Variants in CPNE7 observed in about 807,000 individuals in gnomAD.
CPNE7 encodes copine 7.
CPNE7 carries 78 observed loss-of-function variants against 66.5 expected under a neutral mutation model. That is an observed-to-expected ratio of 1.17 (90% CI 0.98 to 1.42). The LOEUF is 1.42. Among genes scored for constraint, CPNE7 ranks in the 40% most tolerant of loss-of-function variants. CPNE7 has a pLI of 0.00. For synonymous variants in CPNE7, 468 were observed against 336.7 expected (o/e 1.39, Z -4.27); for missense variants, 1,012 against 776.6 (o/e 1.30, Z -3.60).
At position 89,584,671 on chromosome 16, in the gene CPNE7, C is replaced by T. The variant is rs532413867; in HGVS notation, c.508-103C>T. ...CCTCGTTTTGTGCCTGAGGAATTAG[C>T]GGCTGGTGGCATGAAGTGAGCCCTG... On this transcript the variant is annotated intron_variant, in intron 4 of 14. Transcript: ENST00000319518. The surrounding 1 kb of genome is among the most constrained non-coding windows in gnomAD (Gnocchi z 6.0). 449 of 806,074 alleles carry T rather than the reference C, an allele frequency of 5.6e-4. 3 individuals carry two copies. The African/African-American group carries it at 6.2e-3, about 11-fold the overall frequency. The allele number at this position is 806,074 out of a possible 1,614,324, so 49.9% of individuals were successfully genotyped here. A position where few individuals can be genotyped will look rare whatever the true frequency, so the allele number is the denominator to read the frequency against.
chr16:89,587,498 C>A, intron 9 of CPNE7: 1 of 450,140 alleles, frequency 2.2e-6, no homozygotes, highest in Non-Finnish European at 4.5e-6. Flanking sequence ...CAGCCCCAAG[C>A]CCGCCTTGGG....
chr16:89,583,868 G>C, intron 3 of CPNE7, 97 bp downstream of exon 3: 1 of 1,493,966 alleles, frequency 6.7e-7, no homozygotes, highest in African/African-American at 1.4e-5. Flanking sequence ...GCCGTCCAGG[G>C]AGGGTCTGCA....
intron 10 of CPNE7, among the ~76,000 whole-genome samples, chr16:89,589,388 T>C (rs2151451820): frequency 6.6e-6 from 1 of 152,318 alleles, no homozygotes; most frequent in Non-Finnish European, 1.5e-5. Context: ...TGTGTCCCGC[T>C]TTGCCAGAAT....
chr16:89,592,409 C>T (rs1243134064), intron 13 of CPNE7, among the ~76,000 whole-genome samples: 4 of 151,468 alleles, frequency 2.6e-5, no homozygotes, highest in Admixed American at 6.6e-5. Flanking sequence ...TCCTGCTTCA[C>T]GTCTGTGTAG....
In CPNE7 at chr16:89,588,206, G is replaced by GCGTGTCACCCACAGATACATGGCCCCC. The variant is rs1597711657; in HGVS notation, c.928-450_928-449insTGGCCCCCCGTGTCACCCACAGATACA. ...CAGATACACGGCCCCCGTGTCACCCGCGTGTCACCCACAGATACACGGCCC... is the reference window on the plus strand; with the variant it reads ...CAGATACACGGCCCCCGTGTCACCCGCGTGTCACCCACAGATACATGGCCCCCCGTGTCACCCACAGATACACGGCCC... On this transcript the variant is annotated intron_variant, in intron 9 of 14. Coordinates refer to ENST00000319518, the MANE Select transcript of CPNE7 (RefSeq NM_153636.3). Among the ~76,000 whole-genome samples, 5 of 21,146 alleles carry GCGTGTCACCCACAGATACATGGCCCCC rather than the reference G, an allele frequency of 2.4e-4. 1 individual carries two copies. The highest frequency in any genetic ancestry group is 3.3e-4 in the African/African-American group (2 of 6,056). The allele number at this position is 21,146 out of a possible 152,430, so 13.9% of individuals were successfully genotyped here.
At chr16:89,585,035 C>T (rs1234573500) in intron 5 of CPNE7, among the ~76,000 whole-genome samples, 178 bp downstream of exon 5, 1 of 152,098 alleles carries the variant, frequency 6.6e-6, no homozygotes, top group Non-Finnish European at 1.5e-5. Context: ...GCCCTGGGGG[C>T]CGTGGCTGTG....
rs763841945 is a variant in CPNE7, at chr16:89,588,692, C to T, written c.945C>T (p.Thr315=). 7.5e-5 allele frequency: 121 copies of T among 1,613,188 alleles called. No individual in the cohort carries two copies. The highest frequency in any genetic ancestry group is 5.6e-5 in the Non-Finnish European group (66 of 1,179,952). The change falls in exon 10 of 15, where the codon ACC becomes ACT. Residue 315 remains threonine, a synonymous_variant. Coordinates refer to ENST00000319518, the MANE Select transcript of CPNE7 (RefSeq NM_153636.3). ...QIHFTVAIDF[T]ASNGDPRNSC... is the part of the protein sequence containing the mutation. Reference sequence around the variant, plus strand: ...CACTGCAGGTGGCCATTGACTTCACCGCCTCCAATGGAGACCCGCGGAACA... The same window carrying T: ...CACTGCAGGTGGCCATTGACTTCACTGCCTCCAATGGAGACCCGCGGAACA...
At chr16:89,582,594 A>G (rs2151433749) in intron 2 of CPNE7, among the ~76,000 whole-genome samples, 1 of 152,068 alleles carries the variant, frequency 6.6e-6, no homozygotes, top group East Asian at 1.9e-4. Context: ...AGCACCCAGG[A>G]CCCCTTTGCA....
At chr16:89,585,013 C>CCT (rs2059013193) in intron 5 of CPNE7, among the ~76,000 whole-genome samples, 156 bp downstream of exon 5, 2 of 151,952 alleles carry the variant, frequency 1.3e-5, no homozygotes, top group Non-Finnish European at 2.9e-5. Flanking sequence ...AACAGGGAGC[C>CCT]GCAGGCGCAG....
chr16:89,581,303 G>A (rs369229437), intron 2 of CPNE7, among the ~76,000 whole-genome samples: 13 of 123,566 alleles, frequency 1.1e-4, no homozygotes, highest in Middle Eastern at 6.2e-3. Context: ...AGAACATCCC[G>A]TCACCCATCA....
At chr16:89,580,333 C>T in intron 2 of CPNE7, among the ~76,000 whole-genome samples, 1 of 146,220 alleles carries the variant, frequency 6.8e-6, no homozygotes, top group East Asian at 2.1e-4. Context: ...TCTCACCCGT[C>T]ACACGGAACA....
intron 2 of CPNE7, chr16:89,578,796 A>C: frequency 6.7e-7 from 1 of 1,490,348 alleles, no homozygotes; most frequent in Non-Finnish European, 8.9e-7. Context: ...CCTTGTGAGC[A>C]GCAGGTCCTA....
At chr16:89,588,647 A>G (rs1273194588) in intron 9 of CPNE7, 28 bp from the exon 10 acceptor site, 2 of 1,612,406 alleles carry the variant, frequency 1.2e-6, no homozygotes, top group Non-Finnish European at 8.5e-7. Context: ...CCGGCCCAGC[A>G]CAGCTCCTGG....
chr16:89,591,001 A>G lies in CPNE7; in HGVS notation c.1117-6A>G. 1 of 1,613,436 alleles carries G rather than the reference A, an allele frequency of 6.2e-7. No individual in the cohort carries two copies. Among genetic ancestry groups the G allele is most frequent in the East Asian group, 2.2e-5 (1 of 44,846 alleles). ...CAGCTGACTGAGCCCTCTTGTTCCC[A>G]CCCAGGTGTCCCATGACTTTGCCAT... On this transcript the variant is annotated splice_polypyrimidine_tract_variant and splice_region_variant and intron_variant, in intron 11 of 14. Coordinates refer to ENST00000319518, the MANE Select transcript of CPNE7 (RefSeq NM_153636.3).
chr16:89,587,243 G>A (rs2059064895), intron 9 of CPNE7, 141 bp downstream of exon 9: 7 of 216,584 alleles, frequency 3.2e-5, no homozygotes, highest in South Asian at 2.1e-4. Flanking sequence ...CCGTGGCCCC[G>A]CCCCTCCCGC....
chr16:89,588,920 A>T (rs555230755), intron 10 of CPNE7, 112 bp downstream of exon 10: 1 of 1,362,786 alleles, frequency 7.3e-7, no homozygotes, highest in East Asian at 2.5e-5. Flanking sequence ...TGACAGGTGC[A>T]CCCGGCCGGT....
intron 2 of CPNE7, among the ~76,000 whole-genome samples, chr16:89,580,306 C>G (rs1320176898): frequency 7.1e-6 from 1 of 140,534 alleles, no homozygotes; most frequent in Non-Finnish European, 1.5e-5. Context: ...CATCCCGTCA[C>G]CCGCTGACAC....
In CPNE7 at chr16:89,584,201, C is replaced by A. The variant is rs541279590; in HGVS notation, c.507+99C>A. On this transcript the variant is annotated intron_variant, in intron 4 of 14. Coordinates refer to ENST00000319518, the MANE Select transcript of CPNE7 (RefSeq NM_153636.3). The surrounding 1 kb of genome is among the most constrained non-coding windows in gnomAD (Gnocchi z 6.0). Reference sequence around the variant, plus strand: ...AGCGCTGACCTCGCGTGGCTATGTCCCGTGTGAGACGTGTGCGGAGTGTGC... The same window carrying A: ...AGCGCTGACCTCGCGTGGCTATGTCACGTGTGAGACGTGTGCGGAGTGTGC... The A allele has an allele frequency of 4.8e-4, 594 of 1,228,350 alleles. 1 individual carries two copies. The highest frequency in any genetic ancestry group is 6.3e-4 in the Non-Finnish European group (554 of 874,650). The allele number at this position is 1,228,350 out of a possible 1,614,324, so 76.1% of individuals were successfully genotyped here.
Position 89,591,249 on chromosome 16 carries a change from G to T in CPNE7, c.1291G>T (p.Gly431Trp), listed in dbSNP as rs763159653. The T allele has an allele frequency of 4.3e-5, 68 of 1,582,170 alleles. No homozygotes were observed. Among genetic ancestry groups the T allele is most frequent in the Non-Finnish European group, 5.3e-5 (62 of 1,164,652 alleles). Residue 431 changes from glycine to tryptophan, a missense_variant, in exon 13 of 15, where the codon GGG (glycine) becomes TGG (tryptophan). Transcript: ENST00000319518. ...CGTGGCGGCGGCCGAGGAGAGCACC[G>T]GGAAAGCCTCTGTAGGTGCCCGGGG... ...ARVAAAEESTGKASQYYILLI... is the reference protein window; with the variant it reads ...ARVAAAEESTWKASQYYILLI...
Sources: gnomAD v4.1 joint callset for allele counts (sites outside exome capture counted in the v4.1 genomes callset) on GRCh38, gnomAD v4.1.1 for gene constraint, Gnocchi (gnomAD v3.1) non-coding constraint, MANE v1.5 for transcripts, NCBI Gene and HGNC (gene_info 2026-07-23, HGNC 2026-07-21) for gene names.